Variants in CPQ observed in about 807,000 individuals in gnomAD.
CPQ encodes carboxypeptidase Q.
CPQ carries 37 observed loss-of-function variants against 45.7 expected under a neutral mutation model. The observed-to-expected ratio is 0.81, with a 90% CI of 0.62 to 1.07. CPQ has a LOEUF of 1.07. Ranked by LOEUF, CPQ falls within the 50% of genes least tolerant of loss-of-function variation. CPQ has a pLI of 0.00. For synonymous variants in CPQ, 186 were observed against 205.8 expected (o/e 0.90, Z 0.82); for missense variants, 537 against 572.9 (o/e 0.94, Z 0.64).
At chr8:96,677,065 A>G (rs182483059) in intron 1 of CPQ, among the ~76,000 whole-genome samples, 2 of 151,394 alleles carry the variant, frequency 1.3e-5, no homozygotes, top group African/African-American at 2.4e-5. Flanking sequence ...TTCTTTATTT[A>G]CTTGTTGTTT....
At chr8:97,133,856 C>T (rs1161296383) in intron 7 of CPQ, among the ~76,000 whole-genome samples, 1 of 152,140 alleles carries the variant, frequency 6.6e-6, no homozygotes, top group Non-Finnish European at 1.5e-5. Context: ...GACTTGGCCC[C>T]TGAATGACAT....
intron 1 of CPQ, among the ~76,000 whole-genome samples, chr8:96,749,157 A>G (rs1035845545): frequency 4.6e-5 from 7 of 152,160 alleles, no homozygotes; most frequent in African/African-American, 1.4e-4. Flanking sequence ...TTGATGTTAA[A>G]TGAATGTCTT....
At chr8:97,025,701 A>T (rs1563557929) in intron 5 of CPQ, among the ~76,000 whole-genome samples, 1 of 151,960 alleles carries the variant, frequency 6.6e-6, no homozygotes, top group South Asian at 2.1e-4. Flanking sequence ...ACCTCATATT[A>T]CTTTGTTTTG....
intron 3 of CPQ, among the ~76,000 whole-genome samples, chr8:96,877,280 A>G (rs1440836090): frequency 6.6e-6 from 1 of 152,210 alleles, no homozygotes; most frequent in Non-Finnish European, 1.5e-5. Context: ...TATATCTTAA[A>G]TTAAAATTAG....
intron 4 of CPQ, among the ~76,000 whole-genome samples, chr8:96,895,042 T>A (rs1025094643): frequency 1.3e-5 from 2 of 152,214 alleles, no homozygotes; most frequent in African/African-American, 4.8e-5. Context: ...ATTTATTGAG[T>A]GCCGTCCGTG....
intron 4 of CPQ, among the ~76,000 whole-genome samples, chr8:96,951,421 C>T (rs546409601): frequency 1.2e-4 from 19 of 152,182 alleles, no homozygotes; most frequent in Admixed American, 1.2e-3. Flanking sequence ...TCTTAAAATT[C>T]GCTATCACCA....
intron 5 of CPQ, among the ~76,000 whole-genome samples, chr8:96,970,767 G>T (rs1462712898): frequency 1.3e-5 from 2 of 152,080 alleles, no homozygotes; most frequent in East Asian, 3.9e-4. Context: ...GTTTCACCGT[G>T]TTAGCCAGGA....
chr8:96,921,542 C>T (rs1812807207), intron 4 of CPQ, among the ~76,000 whole-genome samples: 1 of 152,130 alleles, frequency 6.6e-6, no homozygotes. Flanking sequence ...ATACTGAGCA[C>T]CTGTTTTGAG....
intron 3 of CPQ, among the ~76,000 whole-genome samples, chr8:96,868,613 T>A (rs534790120): frequency 4.6e-5 from 7 of 152,184 alleles, no homozygotes; most frequent in African/African-American, 9.6e-5. Flanking sequence ...TGATTTTTTT[T>A]AAAGTATAAA....
intron 1 of CPQ, among the ~76,000 whole-genome samples, chr8:96,675,127 A>G (rs1365589445): frequency 6.6e-6 from 1 of 152,090 alleles, no homozygotes; most frequent in Non-Finnish European, 1.5e-5. Flanking sequence ...TTTTGAGGTA[A>G]TATATACAAG....
intron 5 of CPQ, among the ~76,000 whole-genome samples, chr8:97,021,049 G>A (rs757636600): frequency 4.2e-4 from 64 of 152,114 alleles, no homozygotes; most frequent in Non-Finnish European, 8.7e-4. Flanking sequence ...TCATACCAGG[G>A]ACGCAGGAAT....
At chr8:97,110,669 C>T (rs928340623) in intron 7 of CPQ, among the ~76,000 whole-genome samples, 8 of 152,136 alleles carry the variant, frequency 5.3e-5, no homozygotes, top group Admixed American at 5.2e-4. Context: ...GGCATCACTG[C>T]CTATATTCTT....
At chr8:97,051,100 TTAA>T (rs1182456489) in intron 6 of CPQ, among the ~76,000 whole-genome samples, 2 of 152,098 alleles carry the variant, frequency 1.3e-5, no homozygotes, top group African/African-American at 4.8e-5. Flanking sequence ...TCCATTGAGT[TTAA>T]TAATAATAAC....
chr8:96,782,754 CA>C (rs1810705674), intron 1 of CPQ, among the ~76,000 whole-genome samples: 1 of 152,094 alleles, frequency 6.6e-6, no homozygotes, highest in East Asian at 1.9e-4. Flanking sequence ...CTATTATATA[CA>C]TTTAAAAGAA....
chr8:97,010,997 G>T (rs1809477025), intron 5 of CPQ, among the ~76,000 whole-genome samples: 1 of 152,144 alleles, frequency 6.6e-6, no homozygotes, highest in Admixed American at 6.6e-5. Context: ...CTAAGTGGCT[G>T]CTAGGCTTTT....
At chr8:97,024,847 AAG>A (rs1366446347) in intron 5 of CPQ, among the ~76,000 whole-genome samples, 3 of 152,346 alleles carry the variant, frequency 2.0e-5, no homozygotes, top group Admixed American at 2.0e-4. Context: ...CTGTTGCTGA[AAG>A]AGAGTGGGAC....
chr8:97,123,155 AATAAAATAAAATAAAATAAAAT>A (rs1215293507), intron 7 of CPQ, among the ~76,000 whole-genome samples: 1 of 123,642 alleles, frequency 8.1e-6, no homozygotes, highest in Non-Finnish European at 1.6e-5. Context: ...AAATAAATAA[AATAAAATAAAATAAAATAAAAT>A]ATAAAATAAA....
intron 1 of CPQ, among the ~76,000 whole-genome samples, chr8:96,658,297 AC>A (rs2130709574): frequency 6.6e-6 from 1 of 152,350 alleles, no homozygotes; most frequent in East Asian, 1.9e-4. Context: ...ACTCACTGGC[AC>A]CTTGCATTTC....
chr8:96,811,157 C>A (rs528800921), intron 2 of CPQ, among the ~76,000 whole-genome samples: 19 of 152,148 alleles, frequency 1.2e-4, no homozygotes, highest in Middle Eastern at 3.2e-3. Context: ...TCAAGAATTT[C>A]ACTGCATCTA....
Sources: allele counts gnomAD v4.1 joint callset (sites outside exome capture counted in the v4.1 genomes callset), GRCh38; gene constraint gnomAD v4.1.1; transcripts MANE v1.5; gene names NCBI Gene and HGNC (gene_info 2026-07-23, HGNC 2026-07-21).